NKD1: variants seen among roughly 807,000 people sequenced by gnomAD.
The protein encoded by NKD1 is NKD inhibitor of Wnt signaling pathway 1.
NKD1 carries 21 observed loss-of-function variants against 56.0 expected under a neutral mutation model. The ratio of observed to expected loss-of-function variants is 0.38; its 90% CI spans 0.27 to 0.54. The LOEUF (loss-of-function observed/expected upper bound fraction) is 0.54. NKD1 is among the 20% of genes least tolerant of loss of function. The pLI, the probability that NKD1 is intolerant of heterozygous loss-of-function variation, is 0.82. For missense variants in NKD1, 578 were observed against 642.7 expected, an observed-to-expected ratio of 0.90 and a Z score of 1.09; for synonymous variants, 263 against 265.7, an observed-to-expected ratio of 0.99 and a Z score of 0.10.
chr16:50,575,227 G>C, intron 3 of NKD1: 1 of 985,382 alleles, frequency 1.0e-6, no homozygotes, highest in Non-Finnish European at 1.2e-6. Context: ...TTTAACTAGG[G>C]GCTGAGAGAT....
intron 3 of NKD1, chr16:50,575,255 G>C (rs537600329): frequency 1.0e-6 from 1 of 985,428 alleles, no homozygotes. Flanking sequence ...CCAGTCTTCT[G>C]GGGTAACGTT....
intron 3 of NKD1, among the ~76,000 whole-genome samples, chr16:50,588,696 G>C (rs892850272): frequency 6.9e-6 from 1 of 144,106 alleles, no homozygotes; most frequent in Admixed American, 7.3e-5. Flanking sequence ...TCCACCTCCT[G>C]GGTTCAAGAG....
chr16:50,601,176 G>C (rs1446418208), intron 3 of NKD1, among the ~76,000 whole-genome samples: 1 of 152,192 alleles, frequency 6.6e-6, no homozygotes, highest in Non-Finnish European at 1.5e-5. Flanking sequence ...TCCTGCAGGG[G>C]CCCGCGATAC....
At chr16:50,548,900 C>T in intron 2 of NKD1, 151 bp downstream of exon 2, 2 of 1,168,604 alleles carry the variant, frequency 1.7e-6, no homozygotes, top group South Asian at 4.7e-5. Flanking sequence ...CCTGAGCAGC[C>T]TTCGCGCCCC....
At position 50,639,394 on chromosome 16, in the gene NKD1, C is replaced by T. The variant is rs1017487244; in HGVS notation, c.*5613C>T. 2 of 152,210 alleles carry T rather than the reference C, an allele frequency of 1.3e-5. No homozygotes were observed. Among genetic ancestry groups the T allele is most frequent in the Non-Finnish European group, 2.9e-5 (2 of 68,056 alleles). The allele number at this position is 152,210 out of a possible 1,614,324, so 9.4% of individuals were successfully genotyped here. On this transcript the variant is annotated 3_prime_UTR_variant, in exon 10 of 10. Transcript: ENST00000268459. Reference sequence around the variant, plus strand: ...GTGTTTTTCACAAGCTCCATACCTCCAGGAAATGGTGTTGTGGTTGGGCCC... The same window carrying T: ...GTGTTTTTCACAAGCTCCATACCTCTAGGAAATGGTGTTGTGGTTGGGCCC...
intron 3 of NKD1, among the ~76,000 whole-genome samples, chr16:50,577,821 A>C (rs1961024073): frequency 6.6e-6 from 1 of 152,194 alleles, no homozygotes; most frequent in Admixed American, 6.5e-5. Context: ...GGGGTCTTAA[A>C]GTTGACCTTT....
intron 3 of NKD1, chr16:50,562,117 C>A (rs1056460253): frequency 2.0e-5 from 3 of 153,028 alleles, no homozygotes; most frequent in African/African-American, 7.2e-5. Flanking sequence ...CACTAGGGTA[C>A]AAGGTAACAG....
chr16:50,566,387 C>T (rs1448901282), intron 3 of NKD1, among the ~76,000 whole-genome samples: 1 of 152,240 alleles, frequency 6.6e-6, no homozygotes, highest in Non-Finnish European at 1.5e-5. Flanking sequence ...GTCCAGACTC[C>T]CAGCTTCAGT....
intron 4 of NKD1, 123 bp downstream of exon 4, chr16:50,608,483 A>C: frequency 2.9e-6 from 2 of 697,214 alleles, no homozygotes; most frequent in Non-Finnish European, 5.3e-6. Context: ...GGACCTTGTG[A>C]CTCTGGGTGG....
chr16:50,560,267 G>A (rs1596705386), intron 3 of NKD1, among the ~76,000 whole-genome samples: 1 of 152,224 alleles, frequency 6.6e-6, no homozygotes, highest in Admixed American at 6.5e-5. Flanking sequence ...GCACGTGCCT[G>A]CTTTCTCAGT....
chr16:50,585,370 G>T (rs899709669), intron 3 of NKD1, among the ~76,000 whole-genome samples: 1 of 152,332 alleles, frequency 6.6e-6, no homozygotes, highest in Non-Finnish European at 1.5e-5. Context: ...GAAGGCGCCC[G>T]GCAGCTGGGC....
chr16:50,610,120 C>T (rs1247510534), intron 4 of NKD1, among the ~76,000 whole-genome samples: 1 of 152,184 alleles, frequency 6.6e-6, no homozygotes, highest in Non-Finnish European at 1.5e-5. Context: ...CGCTTGAGCT[C>T]ATGAGTTCAA....
At chr16:50,610,662 A>C (rs552598054) in intron 4 of NKD1, among the ~76,000 whole-genome samples, 31 of 152,334 alleles carry the variant, frequency 2.0e-4, no homozygotes, top group Non-Finnish European at 3.4e-4. Context: ...AAGAGAGAAA[A>C]AAGGCCATCT....
intron 7 of NKD1, 113 bp from the exon 8 acceptor site, chr16:50,630,713 C>G (rs144119656): frequency 1.1e-6 from 1 of 883,808 alleles, no homozygotes; most frequent in Non-Finnish European, 1.7e-6. Flanking sequence ...AGCCCCAGCT[C>G]AGGGAACCCT....
chr16:50,626,402 CAG>C (rs892907049), intron 6 of NKD1, among the ~76,000 whole-genome samples: 16 of 152,064 alleles, frequency 1.1e-4, no homozygotes, highest in African/African-American at 3.4e-4. Context: ...GGTGCTGGGA[CAG>C]AGACTGGCTG....
chr16:50,597,783 G>A (rs1020498908), intron 3 of NKD1, among the ~76,000 whole-genome samples: 3 of 152,160 alleles, frequency 2.0e-5, no homozygotes, highest in East Asian at 3.9e-4. Flanking sequence ...GGTGGGATTG[G>A]TGCCCTCATT....
intron 5 of NKD1, among the ~76,000 whole-genome samples, chr16:50,624,788 C>T (rs925154707): frequency 1.3e-5 from 2 of 152,210 alleles, no homozygotes; most frequent in African/African-American, 4.8e-5. Flanking sequence ...TCCCTTGTTC[C>T]GTTGCCTCTG....
At chr16:50,587,054 G>A (rs751775149) in intron 3 of NKD1, among the ~76,000 whole-genome samples, 4 of 152,302 alleles carry the variant, frequency 2.6e-5, no homozygotes, top group South Asian at 2.1e-4. Flanking sequence ...TCCACGACTC[G>A]AAAGCTGTGT....
chr16:50,615,882 G>A (rs528735840), intron 4 of NKD1, among the ~76,000 whole-genome samples: 116 of 152,302 alleles, frequency 7.6e-4, no homozygotes, highest in African/African-American at 2.7e-3. Flanking sequence ...AGGTGGGATC[G>A]CTAGGACCCT....
Sources: allele counts gnomAD v4.1 joint callset (sites outside exome capture counted in the v4.1 genomes callset), GRCh38; gene constraint gnomAD v4.1.1; transcripts MANE v1.5; gene names NCBI Gene and HGNC (gene_info 2026-07-23, HGNC 2026-07-21).